The following SGCD variants were observed in gnomAD, a reference collection of about 807,000 sequenced individuals.
SGCD encodes delta-sarcoglycan.
SGCD carries 18 observed loss-of-function variants against 36.6 expected under a neutral mutation model. The observed-to-expected ratio is 0.49, with a 90% CI of 0.34 to 0.73. The LOEUF (loss-of-function observed/expected upper bound fraction) is 0.73, where lower values mean the gene tolerates loss of function less well. Ranked by LOEUF, SGCD falls within the 30% of genes least tolerant of loss-of-function variation. The pLI, the probability that SGCD is intolerant of heterozygous loss-of-function variation, is 0.01. For missense variants in SGCD, 387 were observed against 346.7 expected, an observed-to-expected ratio of 1.12 and a Z score of -0.92; for synonymous variants, 133 against 130.6, an observed-to-expected ratio of 1.02 and a Z score of -0.12.
intron 1 of SGCD, among the ~76,000 whole-genome samples, chr5:156,013,028 T>C (rs1477051645): frequency 6.7e-6 from 1 of 150,246 alleles, no homozygotes; most frequent in African/African-American, 2.4e-5. Flanking sequence ...TTAGGTGTTT[T>C]TTTTTTTTTT....
chr5:156,631,725 G>A (rs1207237797), intron 6 of SGCD, among the ~76,000 whole-genome samples: 2 of 151,816 alleles, frequency 1.3e-5, no homozygotes, highest in African/African-American at 4.8e-5. Flanking sequence ...ACTTTTGCCT[G>A]GTATTGAAAA....
intron 3 of SGCD, among the ~76,000 whole-genome samples, chr5:156,420,751 G>T (rs1238839586): frequency 6.6e-6 from 1 of 152,082 alleles, no homozygotes; most frequent in Non-Finnish European, 1.5e-5. Context: ...GCAAGCTACA[G>T]CTACTATTCC....
chr5:155,831,844 C>T, the SGCD span, among the ~76,000 whole-genome samples: 5 of 152,126 alleles, frequency 3.3e-5, no homozygotes, highest in Admixed American at 6.5e-5. Context: ...CAGGGGAGTA[C>T]AAGGGAGCTT....
rs751905228 is a variant in SGCD, at chr5:156,157,371, G to A, written c.-44+33352G>A. ...TATAAAATGCACCGTAGAAAGTGTA[G>A]TTAGGAATAAACAGAGCCAGGTATT... is the stretch of plus-strand genomic sequence containing the variant. On this transcript the variant is annotated intron_variant, in intron 3 of 9. Coordinates refer to the SGCD transcript ENST00000517913. Among the ~76,000 whole-genome samples, 3 of 151,702 alleles carry A rather than the reference G, an allele frequency of 2.0e-5. 1 individual carries two copies. Among genetic ancestry groups the A allele is most frequent in the African/African-American group, 2.4e-5 (1 of 40,970 alleles).
chr5:156,430,012 G>A (rs1773862836), intron 3 of SGCD, among the ~76,000 whole-genome samples: 4 of 152,100 alleles, frequency 2.6e-5, no homozygotes, highest in African/African-American at 9.7e-5. Flanking sequence ...CCTTGGTGAT[G>A]ATCTTTTGTG....
At chr5:156,089,558 G>A (rs1016501361) in intron 1 of SGCD, among the ~76,000 whole-genome samples, 2 of 152,114 alleles carry the variant, frequency 1.3e-5, no homozygotes, top group Admixed American at 6.5e-5. Context: ...GATATGCCTC[G>A]ACCCATCCCC....
At chr5:156,084,021 A>G (rs1030503202) in intron 1 of SGCD, among the ~76,000 whole-genome samples, 5 of 152,182 alleles carry the variant, frequency 3.3e-5, no homozygotes, top group African/African-American at 1.2e-4. Flanking sequence ...AAACCTTAAT[A>G]TGATGTAGAA....
intron 1 of SGCD, among the ~76,000 whole-genome samples, chr5:155,969,776 A>T (rs1037883459): frequency 6.6e-6 from 1 of 151,970 alleles, no homozygotes; most frequent in Admixed American, 6.6e-5. Context: ...AGCACCTCCT[A>T]CCCAGTGGGT....
rs1758551297 is a variant in SGCD, at chr5:155,996,668, A to T, written c.-281-121210A>T. 2.6e-5 allele frequency among the ~76,000 whole-genome samples: 4 copies of T among 151,874 alleles called. No homozygotes were observed. In the South Asian group the frequency reaches 8.3e-4, roughly 32 times the overall value. ...TGGTGCATAGTCTGTGATCTCAGCT[A>T]CTTGGGAGGTTGAAGCAGAAGAATC... On this transcript the variant is annotated intron_variant, in intron 1 of 9. Transcript: ENST00000517913.
intron 3 of SGCD, among the ~76,000 whole-genome samples, chr5:156,356,885 G>A (rs1769520647): frequency 2.6e-5 from 4 of 152,154 alleles, no homozygotes; most frequent in Admixed American, 2.6e-4. Context: ...GAGAAGCAGA[G>A]GTTGGCATGA....
In SGCD at chr5:155,875,049, A is replaced by G. The variant is rs577406603; in HGVS notation, c.-282+4625A>G. Among the ~76,000 whole-genome samples the G allele has an allele frequency of 3.3e-5, 5 of 152,298 alleles. No homozygotes were observed. The South Asian group carries it at 1.0e-3, about 32-fold the overall frequency. ...GATGAATGGATAAACAAATTGTGAT[A>G]TAGTCACACAATGGAAAACTGCTTG... On this transcript the variant is annotated intron_variant, in intron 1 of 9. Transcript: ENST00000517913.
At chr5:156,468,080 G>A (rs141818917) in intron 3 of SGCD, among the ~76,000 whole-genome samples, 129 of 152,276 alleles carry the variant, frequency 8.5e-4, no homozygotes, top group African/African-American at 2.9e-3. Context: ...CAGGTGTTGT[G>A]GCTCATGCCT....
intron 2 of SGCD, among the ~76,000 whole-genome samples, chr5:156,341,401 A>G (rs1358770066): frequency 6.6e-6 from 1 of 152,150 alleles, no homozygotes; most frequent in Non-Finnish European, 1.5e-5. Flanking sequence ...TGATTACCCT[A>G]TGAAAAAAAG....
the SGCD span, among the ~76,000 whole-genome samples, chr5:155,792,661 A>G: frequency 6.6e-6 from 1 of 152,154 alleles, no homozygotes; most frequent in East Asian, 1.9e-4. Context: ...AAAATGCTCA[A>G]CATCACTAGT....
At chr5:156,393,763 T>G in intron 3 of SGCD, 1 of 456,342 alleles carries the variant, frequency 2.2e-6, no homozygotes, top group Non-Finnish European at 4.4e-6. Flanking sequence ...AGCATCCATC[T>G]GCTTCTGAGA....
intron 1 of SGCD, among the ~76,000 whole-genome samples, chr5:155,924,301 CA>C (rs1263053865): frequency 6.6e-6 from 1 of 152,142 alleles, no homozygotes; most frequent in Admixed American, 6.5e-5. Flanking sequence ...GAATGGGGGA[CA>C]AAGGCACCTG....
chr5:155,826,652 C>T, the SGCD span, among the ~76,000 whole-genome samples: 1 of 152,178 alleles, frequency 6.6e-6, no homozygotes, highest in African/African-American at 2.4e-5. Context: ...CCCTTTCTTT[C>T]CAGTGTAAGG....
chr5:156,087,839 C>T (rs569766730), intron 1 of SGCD, among the ~76,000 whole-genome samples: 11 of 152,088 alleles, frequency 7.2e-5, no homozygotes, highest in South Asian at 6.2e-4. Flanking sequence ...ATTGTACCAG[C>T]GAAAAATGTA....
At chr5:155,903,946 A>T (rs1032999425) in intron 1 of SGCD, among the ~76,000 whole-genome samples, 4 of 152,172 alleles carry the variant, frequency 2.6e-5, no homozygotes, top group African/African-American at 7.2e-5. Context: ...GCTGCGTGTC[A>T]GAAGGTCTTT....
Sources: allele counts gnomAD v4.1 joint callset (sites outside exome capture counted in the v4.1 genomes callset), GRCh38; gene constraint gnomAD v4.1.1; transcripts MANE v1.5; gene names NCBI Gene and HGNC (gene_info 2026-07-23, HGNC 2026-07-21).